The following PTPRD variants were observed in gnomAD, a reference collection of about 807,000 sequenced individuals.
PTPRD encodes the protein receptor-type tyrosine-protein phosphatase delta.
PTPRD carries 34 observed loss-of-function variants against 214.5 expected under a neutral mutation model. That is an observed-to-expected ratio of 0.16 (90% CI 0.12 to 0.21). The LOEUF (loss-of-function observed/expected upper bound fraction) is 0.21, where lower values mean the gene tolerates loss of function less well. PTPRD is among the 10% of genes least tolerant of loss of function. The pLI is 1.00. For missense variants in PTPRD, 2,545 were observed against 2,398.7 expected (o/e 1.06, Z -1.27); for synonymous variants, 1,128 against 845.7 (o/e 1.33, Z -5.79).
chr9:8,577,405 G>GCCA (rs2092551756), intron 14 of PTPRD, among the ~76,000 whole-genome samples: 1 of 152,038 alleles, frequency 6.6e-6, no homozygotes, highest in Admixed American at 6.6e-5. Flanking sequence ...ATAGGCATGT[G>GCCA]CCACCACACC....
intron 11 of PTPRD, among the ~76,000 whole-genome samples, chr9:8,815,233 C>T (rs2096897223): frequency 6.6e-6 from 1 of 151,888 alleles, no homozygotes; most frequent in African/African-American, 2.4e-5. Flanking sequence ...AGCTGTTTCC[C>T]GTTCTTCAAA....
intron 14 of PTPRD, among the ~76,000 whole-genome samples, chr9:8,550,939 T>G (rs528922139): frequency 6.6e-6 from 1 of 152,230 alleles, no homozygotes; most frequent in African/African-American, 2.4e-5. Context: ...GCTTATGCTA[T>G]AGCTCTCATA....
At chr9:9,771,543 T>C (rs1194702156) in intron 5 of PTPRD, among the ~76,000 whole-genome samples, 2 of 152,182 alleles carry the variant, frequency 1.3e-5, no homozygotes, top group Non-Finnish European at 2.9e-5. Context: ...TGTCAGAAGA[T>C]CATAAGGATA....
intron 9 of PTPRD, among the ~76,000 whole-genome samples, chr9:9,267,281 T>G (rs942415641): frequency 6.6e-6 from 1 of 151,314 alleles, no homozygotes; most frequent in Admixed American, 6.6e-5. Flanking sequence ...ATTTGAATAA[T>G]ATCAACAAAT....
chr9:10,142,791 C>T (rs200547028), intron 3 of PTPRD, among the ~76,000 whole-genome samples: 14 of 147,248 alleles, frequency 9.5e-5, no homozygotes, highest in East Asian at 5.9e-4. Context: ...ACCCAAAGGA[C>T]TATAAATCAT....
chr9:9,656,895 A>T (rs931840752), intron 7 of PTPRD, among the ~76,000 whole-genome samples: 2 of 152,170 alleles, frequency 1.3e-5, no homozygotes, highest in Non-Finnish European at 2.9e-5. Context: ...ACATAGGAAC[A>T]CTGTAATTTC....
chr9:8,560,139 T>C (rs2085583661), intron 14 of PTPRD, among the ~76,000 whole-genome samples: 1 of 152,220 alleles, frequency 6.6e-6, no homozygotes, highest in Non-Finnish European at 1.5e-5. Context: ...TCTATTCATA[T>C]AACCTTAAAA....
chr9:9,299,580 A>G (rs1387334616), intron 9 of PTPRD, among the ~76,000 whole-genome samples: 1 of 151,760 alleles, frequency 6.6e-6, no homozygotes, highest in African/African-American at 2.4e-5. Flanking sequence ...ATAACTCTCA[A>G]AAGGGCCCCT....
chr9:9,791,682 G>C (rs573580420), intron 5 of PTPRD, among the ~76,000 whole-genome samples: 1 of 151,944 alleles, frequency 6.6e-6, no homozygotes, highest in Admixed American at 6.6e-5. Context: ...ATTTTGTTTT[G>C]GTCAAGCTAT....
intron 5 of PTPRD, among the ~76,000 whole-genome samples, chr9:9,851,581 AC>A (rs1217600902): frequency 6.6e-6 from 1 of 152,206 alleles, no homozygotes; most frequent in Non-Finnish European, 1.5e-5. Context: ...TAGTGCAGGT[AC>A]TTTTGTAGGA....
At chr9:8,705,302 C>A (rs1248980592) in intron 12 of PTPRD, among the ~76,000 whole-genome samples, 1 of 152,154 alleles carries the variant, frequency 6.6e-6, no homozygotes, top group Non-Finnish European at 1.5e-5. Context: ...CTCACTGCAA[C>A]CTCCGCCTCT....
rs1386168297 is a variant in PTPRD at position 8,316,436 on chromosome 9, T to C, written c.*1438A>G. The C allele has an allele frequency of 1.3e-5, 3 of 230,794 alleles. No individual in the cohort carries two copies. The highest frequency in any genetic ancestry group is 4.4e-5 in the African/African-American group (2 of 45,132). 14.3% of individuals were successfully genotyped at this position (230,794 alleles called of 1,614,324 possible). On this transcript the variant is annotated 3_prime_UTR_variant, in exon 46 of 46. Transcript: ENST00000381196. ...ACAAAATGTTTCTGACTGAACAGAG[T>C]AACATGAATTTGGCTTTGCCCCTGT...
chr9:9,279,006 C>T (rs576308131), intron 9 of PTPRD, among the ~76,000 whole-genome samples: 79 of 151,038 alleles, frequency 5.2e-4, no homozygotes, highest in Non-Finnish European at 9.0e-4. Context: ...AATAACCTGT[C>T]CGGAAAACTA....
At chr9:10,178,199 G>A (rs2099260693) in intron 3 of PTPRD, among the ~76,000 whole-genome samples, 1 of 151,874 alleles carries the variant, frequency 6.6e-6, no homozygotes, top group South Asian at 2.1e-4. Context: ...ATGGGATTGG[G>A]GCACAAGGAA....
At chr9:9,721,473 G>A (rs1220956757) in intron 7 of PTPRD, among the ~76,000 whole-genome samples, 1 of 151,992 alleles carries the variant, frequency 6.6e-6, no homozygotes, top group African/African-American at 2.4e-5. Context: ...TCTATAGGGG[G>A]CACAGGTTCA....
chr9:9,786,732 C>G (rs746985911), intron 5 of PTPRD, among the ~76,000 whole-genome samples: 2 of 152,088 alleles, frequency 1.3e-5, no homozygotes, highest in Non-Finnish European at 2.9e-5. Context: ...CGTAACAAAC[C>G]TGCATGTTGT....
intron 2 of PTPRD, among the ~76,000 whole-genome samples, chr9:10,402,404 G>C (rs2098283822): frequency 6.6e-6 from 1 of 151,548 alleles, no homozygotes; most frequent in Non-Finnish European, 1.5e-5. Flanking sequence ...TAATGCATTT[G>C]GAAATATGTT....
intron 30 of PTPRD, among the ~76,000 whole-genome samples, chr9:8,475,008 T>C (rs2096735266): frequency 6.6e-6 from 1 of 152,166 alleles, no homozygotes; most frequent in African/African-American, 2.4e-5. Flanking sequence ...CATGTACAAA[T>C]ATGTGTCATA....
At chr9:8,788,313 T>G (rs2154503043) in intron 11 of PTPRD, among the ~76,000 whole-genome samples, 1 of 148,188 alleles carries the variant, frequency 6.7e-6, no homozygotes, top group South Asian at 2.2e-4. Flanking sequence ...TTCGCTTTTG[T>G]CGCCCAGGCA....
Sources: allele counts gnomAD v4.1 joint callset (sites outside exome capture counted in the v4.1 genomes callset), GRCh38; gene constraint gnomAD v4.1.1; transcripts MANE v1.5; gene names NCBI Gene and HGNC (gene_info 2026-07-23, HGNC 2026-07-21).